Variants in PTCH1 observed in about 807,000 individuals in gnomAD.
PTCH1 encodes patched 1, also known as protein patched homolog 1.
In PTCH1, 14 loss-of-function variants were observed where a neutral mutation model predicts 144.6. The ratio of observed to expected loss-of-function variants is 0.10; its 90% CI spans 0.06 to 0.15. PTCH1 has a LOEUF of 0.15. Ranked by LOEUF, PTCH1 falls within the 10% of genes least tolerant of loss-of-function variation. PTCH1 has a pLI of 1.00. For missense variants in PTCH1, 1,623 were observed against 1,948.3 expected (o/e 0.83, Z 3.14); for synonymous variants, 833 against 793.6 (o/e 1.05, Z -0.83).
At chr9:95,448,769 T>G (rs1463689550) in intron 22 of PTCH1, among the ~76,000 whole-genome samples, 3 of 151,192 alleles carry the variant, frequency 2.0e-5, no homozygotes, top group Admixed American at 1.3e-4. Flanking sequence ...ATCTCTGGCC[T>G]TTGAAGCCCA....
At chr9:95,472,283 G>A (rs1490738869) in intron 12 of PTCH1, among the ~76,000 whole-genome samples, 1 of 152,172 alleles carries the variant, frequency 6.6e-6, no homozygotes, top group Non-Finnish European at 1.5e-5. Flanking sequence ...CCGAAGTGCG[G>A]TCAAGTCACC....
chr9:95,502,551 C>T (rs760039888), intron 2 of PTCH1, among the ~76,000 whole-genome samples: 2 of 152,216 alleles, frequency 1.3e-5, no homozygotes, highest in African/African-American at 2.4e-5. Context: ...CTCATTACTC[C>T]GCACATATGT....
intron 1 of PTCH1, chr9:95,514,631 T>TGG (rs1844286396): frequency 7.4e-6 from 1 of 134,646 alleles, no homozygotes; most frequent in African/African-American, 2.9e-5. Flanking sequence ...GGTGTGTGTG[T>TGG]GTGTGTGTGT....
chr9:95,512,556 T>A (rs1311226768), upstream of PTCH1, among the ~76,000 whole-genome samples: 1 of 152,236 alleles, frequency 6.6e-6, no homozygotes, highest in African/African-American at 2.4e-5. Context: ...GCCTCATTGC[T>A]GATGCATGCG....
At chr9:95,474,942 C>T (rs1164756099) in intron 12 of PTCH1, among the ~76,000 whole-genome samples, 1 of 152,052 alleles carries the variant, frequency 6.6e-6, no homozygotes, top group East Asian at 1.9e-4. Context: ...ACAACCTGGC[C>T]AGCTTGAGAA....
intron 15 of PTCH1, among the ~76,000 whole-genome samples, chr9:95,466,132 C>A (rs560349706): frequency 5.1e-4 from 77 of 152,316 alleles, no homozygotes; most frequent in African/African-American, 1.8e-3. Flanking sequence ...ACCGCAACCT[C>A]CACCTCCCAG....
intron 19 of PTCH1, among the ~76,000 whole-genome samples, chr9:95,454,477 T>C (rs982716514): frequency 2.0e-5 from 3 of 152,208 alleles, no homozygotes; most frequent in African/African-American, 7.2e-5. Flanking sequence ...AATACAAATA[T>C]ACAAAGGTGT....
chr9:95,474,472 C>T (rs1455465396), intron 12 of PTCH1, among the ~76,000 whole-genome samples: 3 of 152,154 alleles, frequency 2.0e-5, no homozygotes, highest in Non-Finnish European at 2.9e-5. Flanking sequence ...TGCTTTGGTT[C>T]GAGCATCAGA....
In PTCH1 at chr9:95,468,846, T is replaced by G. The variant is rs2118032632; in HGVS notation, c.2155A>C (p.Ser719Arg). ...RDLLSQFSDS[S>R]LHCLEPPCTK... ...CAGGGGGGCTCGAGGCAGTGGAGGC[T>G]GGAGTCGGAGAACTGGGAGAGCAGG... The change falls in exon 14 of 24, where the codon AGC becomes CGC. Residue 719 changes from serine (S) to arginine (R), a missense_variant. Coordinates refer to ENST00000331920, the MANE Select transcript of PTCH1 (RefSeq NM_000264.5). 6.2e-7 allele frequency: 1 copy of G among 1,614,058 alleles called. No homozygotes were observed. The highest frequency in any genetic ancestry group is 8.5e-7 in the Non-Finnish European group (1 of 1,179,994).
At position 95,482,175 on chromosome 9, in the gene PTCH1, T is replaced by G. The variant is rs1554700724; in HGVS notation, c.613A>C (p.Lys205Gln). The G allele has an allele frequency of 6.2e-7, 1 of 1,614,168 alleles. No homozygotes were observed. The highest frequency in any genetic ancestry group is 1.1e-5 in the South Asian group (1 of 91,084). The change falls in exon 4 of 24, where the codon AAA becomes CAA. Residue 205 changes from lysine (K) to glutamine (Q), a missense_variant. By Grantham distance (53) the Lys-to-Gln change is moderately conservative. Transcript: ENST00000331920. Reference protein sequence around the residue: ...RQWKLEHLCYKSGELITETGY... With the variant: ...RQWKLEHLCYQSGELITETGY... ...GTTTCTGTGATAAGCTCTCCTGATT[T>G]GTAACACAAATGTTCCAATTTCCAC... is the stretch of plus-strand genomic sequence containing the variant.
At chr9:95,460,057 G>A (rs1839331550) in intron 16 of PTCH1, 1 of 481,094 alleles carries the variant, frequency 2.1e-6, no homozygotes, top group South Asian at 2.1e-5. Flanking sequence ...CTAAAAGACC[G>A]TCTGCAGCCA....
At chr9:95,509,542 T>C (rs1193101199), upstream of PTCH1, among the ~76,000 whole-genome samples, 4 of 152,226 alleles carry the variant, frequency 2.6e-5, no homozygotes, top group Non-Finnish European at 4.4e-5. Flanking sequence ...CCCTCCTTTC[T>C]CTCTTATTCC....
At chr9:95,505,928 G>A (rs1335625328) in intron 2 of PTCH1, among the ~76,000 whole-genome samples, 2 of 146,514 alleles carry the variant, frequency 1.4e-5, no homozygotes, top group Non-Finnish European at 3.0e-5. Flanking sequence ...CGCCGGGGGC[G>A]CGCACACTCC....
At chr9:95,488,797 G>C (rs1842172948) in intron 2 of PTCH1, among the ~76,000 whole-genome samples, 1 of 152,250 alleles carries the variant, frequency 6.6e-6, no homozygotes, top group African/African-American at 2.4e-5. Flanking sequence ...ATGTTGGGTA[G>C]TGGGGAAGGG....
chr9:95,490,921 T>A (rs1210993126), intron 2 of PTCH1, among the ~76,000 whole-genome samples: 1 of 152,148 alleles, frequency 6.6e-6, no homozygotes, highest in Non-Finnish European at 1.5e-5. Context: ...TGATGGACAT[T>A]CCAATTACCC....
At chr9:95,502,770 C>T (rs1018401050) in intron 2 of PTCH1, among the ~76,000 whole-genome samples, 4 of 152,146 alleles carry the variant, frequency 2.6e-5, no homozygotes, top group African/African-American at 9.7e-5. Flanking sequence ...ATATATTAGT[C>T]TGCACATTGT....
chr9:95,446,877 A>G, intron 23 of PTCH1, 34 bp downstream of exon 23: 1 of 1,612,762 alleles, frequency 6.2e-7, no homozygotes, highest in Admixed American at 1.7e-5. Context: ...GCCTGGCTCT[A>G]GGTCCCTTGG....
chr9:95,463,374 G>A (rs1839708537), intron 15 of PTCH1, among the ~76,000 whole-genome samples: 1 of 151,950 alleles, frequency 6.6e-6, no homozygotes, highest in Admixed American at 6.6e-5. Flanking sequence ...GTGGAGGGGA[G>A]ACGGGACAGG....
Position 95,477,530 on chromosome 9 carries a change from A to C in PTCH1, c.1503+17T>G. Reference sequence around the variant, plus strand: ...GGCATTTGTCAACGGACAGCAGATAAATGGCTCCTTTAGTACCTGAGTTGT... The same window carrying C: ...GGCATTTGTCAACGGACAGCAGATACATGGCTCCTTTAGTACCTGAGTTGT... On this transcript the variant is annotated intron_variant, in intron 10 of 23. Transcript: ENST00000331920. 6.2e-7 allele frequency: 1 copy of C among 1,614,146 alleles called. No individual in the cohort carries two copies. Among genetic ancestry groups the C allele is most frequent in the Non-Finnish European group, 8.5e-7 (1 of 1,180,000 alleles).
Sources: allele counts gnomAD v4.1 joint callset (sites outside exome capture counted in the v4.1 genomes callset), GRCh38; gene constraint gnomAD v4.1.1; transcripts MANE v1.5; gene names NCBI Gene and HGNC (gene_info 2026-07-23, HGNC 2026-07-21).